The following TNS2 variants were observed in gnomAD, a reference collection of about 807,000 sequenced individuals.
TNS2 encodes tensin 2, also known as tensin-2.
A neutral mutation model predicts 155.7 loss-of-function variants in TNS2; 77 were observed. That is an observed-to-expected ratio of 0.49 (90% CI 0.41 to 0.60). TNS2 has a LOEUF of 0.60. TNS2 is among the 20% of genes least tolerant of loss of function. The pLI is 0.00. For missense variants in TNS2, 1,703 were observed against 1,868.8 expected (o/e 0.91, Z 1.64); for synonymous variants, 726 against 763.9 (o/e 0.95, Z 0.82).
Position 53,063,158 on chromosome 12 carries a change from C to G in TNS2, c.3893C>G (p.Ala1298Gly). 6.2e-7 allele frequency: 1 copy of G among 1,609,982 alleles called. No individual in the cohort carries two copies. The highest frequency in any genetic ancestry group is 1.1e-5 in the South Asian group (1 of 90,604). The change falls in exon 26 of 29, where the codon GCC becomes GGC. Residue 1298 changes from alanine to glycine, a missense_variant. Ala to Gly is a moderately conservative substitution (Grantham distance 60). Transcript: ENST00000314250. The surrounding 1 kb of genome is among the most constrained non-coding windows in gnomAD (Gnocchi z 5.6). ...ACGGGCCCCCAAGCTGTGGCCCGGG[C>G]CAGCTCTGCAGCTCTGAGCTGTAGC... ...SLTGPQAVAR[A>G]SSAALSCSPR...
At chr12:53,053,545 T>TTTCA in intron 4 of TNS2, 96 bp downstream of exon 4, 1 of 1,506,020 alleles carries the variant, frequency 6.6e-7, no homozygotes, top group Non-Finnish European at 9.2e-7. Flanking sequence ...GGAGATGACC[T>TTTCA]TGAACGGAGT....
rs751409719 is a variant in TNS2 at position 53,059,652 on chromosome 12, C to T, written c.2011C>T (p.Pro671Ser). ...PATGDFGYRA[P>S]GYREVVILED... ...CACTGGGGACTTTGGCTACCGCGCC[C>T]CAGGCTACCGGGAGGTGGTCATCCT... Residue 671 changes from proline (P) to serine (S), a missense_variant, in exon 18 of 29, where the codon CCA becomes TCA. Coordinates refer to ENST00000314250, the MANE Select transcript of TNS2 (RefSeq NM_170754.4). This position sits in a 1 kb window ranked among gnomAD's most constrained non-coding sequence, Gnocchi z 4.7. 7 of 1,613,282 alleles carry T rather than the reference C, an allele frequency of 4.3e-6. No homozygotes were observed. The highest frequency in any genetic ancestry group is 1.1e-5 in the South Asian group (1 of 91,088).
chr12:53,062,818 G>A, intron 25 of TNS2, 121 bp downstream of exon 25: 2 of 1,238,192 alleles, frequency 1.6e-6, no homozygotes, highest in South Asian at 1.3e-5. Flanking sequence ...CATGAGGGCA[G>A]GGGAGCCCCA....
rs1944439907 is a variant in TNS2, at chr12:53,063,229, G to A, written c.3964G>A (p.Gly1322Ser). The A allele has an allele frequency of 6.2e-7, 1 of 1,612,960 alleles. No individual in the cohort carries two copies. The highest frequency in any genetic ancestry group is 2.2e-5 in the East Asian group (1 of 44,880). ...AVVHFKVSAQ[G>S]ITLTDNQRKL... ...TGTCCACTTCAAGGTGTCAGCCCAG[G>A]GCATTACACTGACGGACAACCAAAG... The change falls in exon 26 of 29, where the codon GGC becomes AGC. Residue 1322 changes from glycine to serine, a missense_variant. Transcript: ENST00000314250. The surrounding 1 kb of genome is among the most constrained non-coding windows in gnomAD (Gnocchi z 5.6).
In TNS2 at chr12:53,063,450, C is replaced by T. The variant is rs1351932985; in HGVS notation, c.4061+33C>T. 1 of 1,613,282 alleles carries T rather than the reference C, an allele frequency of 6.2e-7. No homozygotes were observed. Among genetic ancestry groups the T allele is most frequent in the Admixed American group, 1.7e-5 (1 of 60,024 alleles). ...TCCCTCCAAACCCTTTGCCCCAAAT[C>T]CCCATGGTCCCACCAGGTCCCAGCT... is the stretch of plus-strand genomic sequence containing the variant. On this transcript the variant is annotated intron_variant, in intron 27 of 28. Transcript: ENST00000314250. The surrounding 1 kb of genome is among the most constrained non-coding windows in gnomAD (Gnocchi z 5.6).
chr12:53,053,634 G>A (rs1944023343), intron 4 of TNS2, 140 bp from the exon 5 acceptor site: 2 of 1,408,756 alleles, frequency 1.4e-6, no homozygotes, highest in Non-Finnish European at 1.9e-6. Flanking sequence ...TGGGCCTGCT[G>A]GGGGTAGGAC....
At chr12:53,049,692 G>T (rs1401021015), upstream of TNS2, among the ~76,000 whole-genome samples, 1 of 152,150 alleles carries the variant, frequency 6.6e-6, no homozygotes, top group African/African-American at 2.4e-5. Flanking sequence ...CTCCCCAGCG[G>T]AAGTCCCTCG....
chr12:53,051,245 A>G (rs942731124), intron 1 of TNS2, among the ~76,000 whole-genome samples: 4 of 152,162 alleles, frequency 2.6e-5, no homozygotes, highest in Non-Finnish European at 4.4e-5. Flanking sequence ...ACAGGCTTCT[A>G]TCTGTTTCCC....
chr12:53,060,720 G>C lies in TNS2; in HGVS notation c.2814G>C (p.Gln938His), dbSNP rs142155111. 2,013 of 1,600,778 alleles carry C rather than the reference G, an allele frequency of 1.3e-3. No individual in the cohort carries two copies. Among genetic ancestry groups the C allele is most frequent in the Non-Finnish European group, 1.6e-3 (1,824 of 1,171,682 alleles). ...DTRSPTSAPT[Q>H]RLSPGEALPP... ...GGTCCCCCACCTCAGCGCCCACTCA[G>C]AGACTGAGTCCTGGCGAGGCCTTGC... The change falls in exon 20 of 29, where the codon CAG becomes CAC. Residue 938 changes from glutamine (Q) to histidine (H), a missense_variant. Coordinates refer to ENST00000314250, the MANE Select transcript of TNS2 (RefSeq NM_170754.4). This position sits in a 1 kb window ranked among gnomAD's most constrained non-coding sequence, Gnocchi z 6.1.
intron 21 of TNS2, 82 bp downstream of exon 21, chr12:53,061,551 G>A: frequency 6.7e-7 from 1 of 1,484,376 alleles, no homozygotes; most frequent in Non-Finnish European, 9.4e-7. Context: ...TCCTGTTGAA[G>A]CTCTTGGCTC....
At position 53,058,789 on chromosome 12, in the gene TNS2, A is replaced by G. The variant is rs1425879718; in HGVS notation, c.1367A>G (p.Tyr456Cys). The G allele has an allele frequency of 1.2e-6, 2 of 1,613,658 alleles. No individual in the cohort carries two copies. Among genetic ancestry groups the G allele is most frequent in the African/African-American group, 1.3e-5 (1 of 74,846 alleles). ...GAGCCAGCCGTGCGCTGGGACTCCT[A>G]TGAGAACTTCAACCAGCACCACGAG... ...TTEPAVRWDSYENFNQHHEDS... is the reference protein window; with the variant it reads ...TTEPAVRWDSCENFNQHHEDS... Residue 456 changes from tyrosine to cysteine, a missense_variant, in exon 17 of 29, where the codon TAT (tyrosine) becomes TGT (cysteine). By Grantham distance (194) the Tyr-to-Cys change is radical (BLOSUM62 -2). Transcript: ENST00000314250.
Position 53,060,972 on chromosome 12 carries a change from C to G in TNS2, c.3066C>G (p.Gly1022=), listed in dbSNP as rs376940195. ...ACGCCCCCTGGCAAGGCCCTCGAGG[C>G]CCCCCCGACAGCCCAGATGGGTCTC... is the stretch of plus-strand genomic sequence containing the variant. ...LRHAPWQGPR[G]PPDSPDGSPL... The change falls in exon 20 of 29, where the codon GGC becomes GGG. Residue 1022 remains glycine (G), a synonymous_variant. Coordinates refer to ENST00000314250, the MANE Select transcript of TNS2 (RefSeq NM_170754.4). The surrounding 1 kb of genome is among the most constrained non-coding windows in gnomAD (Gnocchi z 6.1). 6.2e-7 allele frequency: 1 copy of G among 1,606,060 alleles called. No individual in the cohort carries two copies. Among genetic ancestry groups the G allele is most frequent in the Non-Finnish European group, 8.5e-7 (1 of 1,176,684 alleles).
At chr12:53,058,967 T>G in intron 17 of TNS2, 80 bp from the exon 18 acceptor site, 2 of 1,539,296 alleles carry the variant, frequency 1.3e-6, no homozygotes, top group Non-Finnish European at 1.8e-6. Flanking sequence ...CTGTCTCCAG[T>G]GCCATCCCCT....
In TNS2 at chr12:53,061,967, G is replaced by A. The variant is rs1353734968; in HGVS notation, c.3574+27G>A. Reference sequence around the variant, plus strand: ...TACAGAACACCCAAACCTGAGTGGGGTGGGGATGAAGTTGGGGGTGGTGCC... The same window carrying A: ...TACAGAACACCCAAACCTGAGTGGGATGGGGATGAAGTTGGGGGTGGTGCC... On this transcript the variant is annotated intron_variant, in intron 22 of 28. Coordinates refer to ENST00000314250, the MANE Select transcript of TNS2 (RefSeq NM_170754.4). 4 of 1,609,278 alleles carry A rather than the reference G, an allele frequency of 2.5e-6. No homozygotes were observed. The South Asian group carries it at 4.4e-5, about 18-fold the overall frequency.
chr12:53,056,731 C>G lies in TNS2; in HGVS notation c.762-282C>G, dbSNP rs560466951. 2.6e-5 allele frequency among the ~76,000 whole-genome samples: 4 copies of G among 152,276 alleles called. No individual in the cohort carries two copies. In the East Asian group the frequency reaches 7.7e-4, roughly 29 times the overall value. On this transcript the variant is annotated intron_variant, in intron 10 of 28. Coordinates refer to ENST00000314250, the MANE Select transcript of TNS2 (RefSeq NM_170754.4). ...ACGGCCCTATTTCCAAATAAGGTCACATTCTGAGGTACATGTCTTTTGGGG... is the reference window on the plus strand; with the variant it reads ...ACGGCCCTATTTCCAAATAAGGTCAGATTCTGAGGTACATGTCTTTTGGGG...
Position 53,054,556 on chromosome 12 carries a change from G to A in TNS2, c.522+115G>A, listed in dbSNP as rs1384145794. The A allele has an allele frequency of 3.3e-6, 4 of 1,226,850 alleles. No individual in the cohort carries two copies. The East Asian group carries it at 1.2e-4, about 38-fold the overall frequency. 76.0% of individuals were successfully genotyped at this position (1,226,850 alleles called of 1,614,324 possible). The stretch of plus-strand genomic sequence containing the variant: ...GAGGCCGCCAGGGGGCGGGACCAGA[G>A]TGGTGGGGTGGGGGCGGGGCCCGGA... On this transcript the variant is annotated intron_variant, in intron 7 of 28. Transcript: ENST00000314250.
Position 53,059,599 on chromosome 12 carries a change from C to T in TNS2, c.1958C>T (p.Pro653Leu), listed in dbSNP as rs758238776. Residue 653 changes from proline to leucine, a missense_variant, in exon 18 of 29, where the codon CCC (proline) becomes CTC (leucine). By Grantham distance (98) the Pro-to-Leu change is moderately conservative. Transcript: ENST00000314250. This position sits in a 1 kb window ranked among gnomAD's most constrained non-coding sequence, Gnocchi z 4.7. ...CGATCGCTGTCAGAGGGGCTATACCCCTACCCACCTGAGATGGGGAAACCA... is the reference window on the plus strand; with the variant it reads ...CGATCGCTGTCAGAGGGGCTATACCTCTACCCACCTGAGATGGGGAAACCA... ...LCRSLSEGLY[P>L]YPPEMGKPAT... is the part of the protein sequence containing the mutation. 1.2e-6 allele frequency: 2 copies of T among 1,611,370 alleles called. No individual in the cohort carries two copies. The highest frequency in any genetic ancestry group is 1.7e-6 in the Non-Finnish European group (2 of 1,179,004).
In TNS2 at chr12:53,062,369, C is replaced by T. The variant is rs753996894; in HGVS notation, c.3668-7C>T. The T allele has an allele frequency of 3.1e-6, 5 of 1,613,814 alleles. No homozygotes were observed. The highest frequency in any genetic ancestry group is 4.2e-6 in the Non-Finnish European group (5 of 1,179,930). ...ATCTCGGGACTTTCCTACCTCCTCT[C>T]CCACAGGCAGCCTGTCCGCCTTGGT... On this transcript the variant is annotated splice_polypyrimidine_tract_variant and splice_region_variant and intron_variant, in intron 23 of 28. Transcript: ENST00000314250.
At chr12:53,054,839 A>AT (rs71095973) in intron 7 of TNS2, among the ~76,000 whole-genome samples, 2,961 of 94,238 alleles carry the variant, frequency 0.031, 196 homozygotes, top group East Asian at 0.077. Context: ...CGCCCAGCCA[A>AT]TTTTTTTTTT....
Sources: gnomAD v4.1 joint callset for allele counts (sites outside exome capture counted in the v4.1 genomes callset) on GRCh38, gnomAD v4.1.1 for gene constraint, Gnocchi (gnomAD v3.1) non-coding constraint, MANE v1.5 for transcripts, NCBI Gene and HGNC (gene_info 2026-07-23, HGNC 2026-07-21) for gene names.